LASP1: variants seen among roughly 807,000 people sequenced by gnomAD.
LASP1 encodes the protein LIM and SH3 domain protein 1.
A neutral mutation model predicts 38.6 loss-of-function variants in LASP1; 10 were observed. That is an observed-to-expected ratio of 0.26 (90% CI 0.16 to 0.44). The LOEUF is 0.44. Among genes scored for constraint, LASP1 ranks in the 20% least tolerant of loss-of-function variants. The pLI is 1.00. For synonymous variants in LASP1, 132 were observed against 140.8 expected (o/e 0.94, Z 0.44); for missense variants, 243 against 375.7 (o/e 0.65, Z 2.92).
chr17:38,880,196 G>T (rs1913902729), intron 2 of LASP1, among the ~76,000 whole-genome samples: 3 of 152,226 alleles, frequency 2.0e-5, no homozygotes, highest in Admixed American at 2.0e-4. Flanking sequence ...GCCCCAGCAC[G>T]CAGAAGTCTG....
At chr17:38,874,516 C>T (rs970067669) in intron 1 of LASP1, among the ~76,000 whole-genome samples, 4 of 152,126 alleles carry the variant, frequency 2.6e-5, no homozygotes, top group African/African-American at 7.2e-5. Flanking sequence ...GGTGGGTTTT[C>T]TTGAACCTTG....
intron 4 of LASP1, chr17:38,899,053 A>G: frequency 3.0e-6 from 1 of 334,122 alleles, no homozygotes; most frequent in South Asian, 2.4e-5. Context: ...GGTCAGTGGC[A>G]TCTGGCTGTG....
At chr17:38,884,707 T>C (rs1914060491) in intron 2 of LASP1, among the ~76,000 whole-genome samples, 1 of 148,920 alleles carries the variant, frequency 6.7e-6, no homozygotes, top group Admixed American at 6.7e-5. Flanking sequence ...TTTTTTTTTT[T>C]TGAGATGGGG....
intron 4 of LASP1, among the ~76,000 whole-genome samples, chr17:38,909,397 A>G (rs551509936): frequency 9.0e-4 from 137 of 152,220 alleles, no homozygotes; most frequent in Non-Finnish European, 1.4e-3. Context: ...CACAAGGTCA[A>G]GAAGTTCAAG....
At position 38,902,372 on chromosome 17, in the gene LASP1, CTTTT is replaced by C. The variant is rs34801327; in HGVS notation, c.357+3873_357+3876del. Among the ~76,000 whole-genome samples the C allele has an allele frequency of 1.1e-3, 89 of 84,284 alleles. 1 individual carries two copies. The highest frequency in any genetic ancestry group is 9.1e-3 in the Middle Eastern group (1 of 110). 55.3% of individuals were successfully genotyped at this position (84,284 alleles called of 152,430 possible). The stretch of plus-strand genomic sequence containing the variant: ...CACCTCACCTGGCCTCCCAGGGGAG[CTTTT>C]TTTTTTTTTTTTTTTTTTTAATCAG... On this transcript the variant is annotated intron_variant, in intron 4 of 6. Transcript: ENST00000318008.
chr17:38,873,357 G>C (rs562540141), intron 1 of LASP1, among the ~76,000 whole-genome samples: 1 of 152,160 alleles, frequency 6.6e-6, no homozygotes, highest in South Asian at 2.1e-4. Flanking sequence ...CGATATGCTG[G>C]GCTCAGTCTT....
At position 38,918,654 on chromosome 17, in the gene LASP1, T is replaced by G; in HGVS notation, c.662T>G (p.Val221Gly). 1 of 1,609,466 alleles carries G rather than the reference T, an allele frequency of 6.2e-7. No homozygotes were observed. The highest frequency in any genetic ancestry group is 8.5e-7 in the Non-Finnish European group (1 of 1,177,352). Residue 221 changes from valine (V) to glycine (G), a missense_variant, in exon 7 of 7, where the codon GTC becomes GGC. By Grantham distance (109) the Val-to-Gly change is moderately radical. Coordinates refer to ENST00000318008, the MANE Select transcript of LASP1 (RefSeq NM_006148.4). This position sits in a 1 kb window ranked among gnomAD's most constrained non-coding sequence, Gnocchi z 4.4. ...TACAGCGCCGCCGACGAGGACGAGGTCTCCTTCCAGGACGGGGACACCATC... is the reference window on the plus strand; with the variant it reads ...TACAGCGCCGCCGACGAGGACGAGGGCTCCTTCCAGGACGGGGACACCATC... ...YDYSAADEDE[V>G]SFQDGDTIVN...
chr17:38,909,728 CTCATTCATTCATTCAT>C (rs111395734), intron 4 of LASP1, among the ~76,000 whole-genome samples: 2 of 149,896 alleles, frequency 1.3e-5, no homozygotes, highest in Non-Finnish European at 3.0e-5. Flanking sequence ...TCTTTTTCAT[CTCATTCATTCATTCAT>C]TCATTCATTC....
rs1024275866 is a variant in LASP1 at position 38,870,123 on chromosome 17, C to T, written c.-67C>T. ...TAGTTGCAGCCGCGGCCGCCTCCCGCCAGCTCGCCTCGGGGAACAGGACGC... is the reference window on the plus strand; with the variant it reads ...TAGTTGCAGCCGCGGCCGCCTCCCGTCAGCTCGCCTCGGGGAACAGGACGC... On this transcript the variant is annotated 5_prime_UTR_variant, in exon 1 of 7. Coordinates refer to ENST00000318008, the MANE Select transcript of LASP1 (RefSeq NM_006148.4). 9.3e-5 allele frequency: 148 copies of T among 1,589,302 alleles called. 1 individual carries two copies. Among genetic ancestry groups the T allele is most frequent in the Non-Finnish European group, 1.2e-4 (140 of 1,165,080 alleles).
At chr17:38,906,527 AAAAT>A (rs60650093) in intron 4 of LASP1, among the ~76,000 whole-genome samples, 3,806 of 151,208 alleles carry the variant, frequency 0.025, 167 homozygotes, top group African/African-American at 0.087. Flanking sequence ...AGACTGTCTC[AAAAT>A]AAATAAATAA....
At chr17:38,893,555 A>T (rs1216397087) in intron 3 of LASP1, among the ~76,000 whole-genome samples, 1 of 151,946 alleles carries the variant, frequency 6.6e-6, no homozygotes, top group Non-Finnish European at 1.5e-5. Context: ...TTGGGGGCTG[A>T]GGGCAGGATA....
At chr17:38,889,847 C>T (rs1335917975) in intron 2 of LASP1, among the ~76,000 whole-genome samples, 1 of 152,176 alleles carries the variant, frequency 6.6e-6, no homozygotes, top group East Asian at 1.9e-4. Context: ...TCCCACCTAC[C>T]CTCCAGTTAG....
chr17:38,919,159 G>A lies in LASP1; in HGVS notation c.*381G>A, dbSNP rs1915225444. On this transcript the variant is annotated 3_prime_UTR_variant, in exon 7 of 7. Coordinates refer to ENST00000318008, the MANE Select transcript of LASP1 (RefSeq NM_006148.4). ...TTCCAGGGCTGGGGTGAGCCTGACT[G>A]CCAGGACCCCAGGTCAGGGGCTCCC... 3.5e-6 allele frequency: 1 copy of A among 289,792 alleles called. No individual in the cohort carries two copies. The highest frequency in any genetic ancestry group is 6.6e-6 in the Non-Finnish European group (1 of 150,594). The allele number at this position is 289,792 out of a possible 1,614,324, so 18.0% of individuals were successfully genotyped here.
intron 2 of LASP1, among the ~76,000 whole-genome samples, chr17:38,883,028 G>A (rs1913999297): frequency 1.3e-5 from 2 of 152,138 alleles, no homozygotes; most frequent in African/African-American, 4.8e-5. Context: ...GTAGGGTGTG[G>A]TCTGTGTCAG....
chr17:38,897,017 TAA>T (rs1352146820), intron 3 of LASP1: 1 of 985,366 alleles, frequency 1.0e-6, no homozygotes, highest in African/African-American at 1.7e-5. Flanking sequence ...GGCCTCCCAC[TAA>T]GAGTCACCGT....
At chr17:38,889,976 TCTC>T (rs1433586799) in intron 2 of LASP1, among the ~76,000 whole-genome samples, 1 of 152,218 alleles carries the variant, frequency 6.6e-6, no homozygotes, top group African/African-American at 2.4e-5. Context: ...TCCCCCTTGC[TCTC>T]CTCTGCATGG....
chr17:38,901,354 G>T (rs1192365517), intron 4 of LASP1, among the ~76,000 whole-genome samples: 1 of 152,242 alleles, frequency 6.6e-6, no homozygotes, highest in African/African-American at 2.4e-5. Context: ...TCGCGGTGCT[G>T]CAGTGAGCTA....
chr17:38,899,747 C>T (rs1314658140), intron 4 of LASP1, among the ~76,000 whole-genome samples: 16 of 136,174 alleles, frequency 1.2e-4, no homozygotes, highest in Non-Finnish European at 1.6e-4. Flanking sequence ...GCGTTCAGAT[C>T]TTTTTTTTTT....
intron 3 of LASP1, among the ~76,000 whole-genome samples, chr17:38,893,027 G>A (rs369530430): frequency 2.0e-4 from 31 of 152,302 alleles, no homozygotes; most frequent in African/African-American, 4.3e-4. Flanking sequence ...AAGCATGCAC[G>A]CATGTATGCG....
Sources: gnomAD v4.1 joint callset for allele counts (sites outside exome capture counted in the v4.1 genomes callset) on GRCh38, gnomAD v4.1.1 for gene constraint, Gnocchi (gnomAD v3.1) non-coding constraint, MANE v1.5 for transcripts, NCBI Gene and HGNC (gene_info 2026-07-23, HGNC 2026-07-21) for gene names.